MYO5C: variants seen among roughly 807,000 people sequenced by gnomAD.
MYO5C encodes myosin VC.
A neutral mutation model predicts 235.7 loss-of-function variants in MYO5C; 194 were observed. The ratio of observed to expected loss-of-function variants is 0.82; its 90% CI spans 0.73 to 0.93. MYO5C has a LOEUF of 0.93. Among genes scored for constraint, MYO5C ranks in the 40% least tolerant of loss-of-function variants. The probability of loss-of-function intolerance (pLI) is 0.00; values close to 1 mark genes in which losing one functional copy is unlikely to be tolerated. For missense variants in MYO5C, 2,038 were observed against 2,127.2 expected (o/e 0.96, Z 0.82); for synonymous variants, 707 against 754.8 (o/e 0.94, Z 1.04).
chr15:52,239,968 G>C, intron 20 of MYO5C, 89 bp from the exon 21 acceptor site: 1 of 1,376,092 alleles, frequency 7.3e-7, no homozygotes, highest in Non-Finnish European at 9.8e-7. Flanking sequence ...AACTACCACG[G>C]TGTAGAAAAT....
chr15:52,288,128 TC>T (rs2037314738), intron 1 of MYO5C, among the ~76,000 whole-genome samples: 2 of 152,108 alleles, frequency 1.3e-5, no homozygotes, highest in African/African-American at 4.8e-5. Context: ...GGCCAATCAA[TC>T]CTTTTGTTTA....
At chr15:52,257,048 G>A (rs1226586127) in intron 10 of MYO5C, among the ~76,000 whole-genome samples, 1 of 152,182 alleles carries the variant, frequency 6.6e-6, no homozygotes, top group Non-Finnish European at 1.5e-5. Flanking sequence ...CAGAAAATAA[G>A]CCCGAGAGGT....
intron 38 of MYO5C, among the ~76,000 whole-genome samples, chr15:52,204,562 G>GGTAGT (rs2035257231): frequency 6.6e-6 from 1 of 152,024 alleles, no homozygotes; most frequent in Non-Finnish European, 1.5e-5. Context: ...ATTCAGAGAA[G>GGTAGT]GTAGTCACTA....
chr15:52,195,326 T>A (rs3751604), intron 40 of MYO5C, 51 bp downstream of exon 40: 746,437 of 1,249,558 alleles, frequency 0.6, 238,684 homozygotes, highest in Non-Finnish European at 0.67. Flanking sequence ...ATCAACATCT[T>A]ATACCATAGT....
chr15:52,284,545 C>A (rs1204347350), intron 1 of MYO5C, among the ~76,000 whole-genome samples: 1 of 152,152 alleles, frequency 6.6e-6, no homozygotes, highest in Non-Finnish European at 1.5e-5. Flanking sequence ...GGGCTAAGCA[C>A]TTTTCAAACC....
chr15:52,262,980 G>C lies in MYO5C; in HGVS notation c.1047+1210C>G, dbSNP rs566315768. On this transcript the variant is annotated intron_variant, in intron 9 of 40. Coordinates refer to ENST00000261839, the MANE Select transcript of MYO5C (RefSeq NM_018728.4). ...CTGCCATGATGGGATTAGTGTTCTC[G>C]TAAGAGGCATCACAGTGTCTGCTCT... is the stretch of plus-strand genomic sequence containing the variant. 2.8e-4 allele frequency among the ~76,000 whole-genome samples: 43 copies of C among 152,266 alleles called. 1 individual carries two copies. The highest frequency in any genetic ancestry group is 3.4e-3 in the Middle Eastern group (1 of 294).
intron 1 of MYO5C, among the ~76,000 whole-genome samples, chr15:52,283,550 G>A (rs2037202455): frequency 2.0e-5 from 3 of 152,154 alleles, no homozygotes; most frequent in Non-Finnish European, 2.9e-5. Flanking sequence ...CGTTGCTGTG[G>A]GCTGAACTGT....
intron 35 of MYO5C, among the ~76,000 whole-genome samples, chr15:52,209,758 GC>G (rs1487335321): frequency 6.6e-6 from 1 of 152,090 alleles, no homozygotes; most frequent in Non-Finnish European, 1.5e-5. Flanking sequence ...ATTTATGGGA[GC>G]CCCTTCCAAA....
In MYO5C at chr15:52,240,255, C is replaced by T. The variant is rs960435940; in HGVS notation, c.2557-376G>A. Among the ~76,000 whole-genome samples, 14 of 151,580 alleles carry T rather than the reference C, an allele frequency of 9.2e-5. No homozygotes were observed. In the East Asian group the frequency reaches 2.7e-3, roughly 29 times the overall value. On this transcript the variant is annotated intron_variant, in intron 20 of 40. Transcript: ENST00000261839. ...AGAGACTAGTTATTTCAAAAAGATA[C>T]TTGTCATATTCAACATCAAAACAGT...
chr15:52,241,511 G>A lies in MYO5C; in HGVS notation c.2556+537C>T, dbSNP rs1343159289. ...CCTGACCTCATGATCCACTCACCTC[G>A]GCCTCCCACAGTGCTGGGATTACAG... On this transcript the variant is annotated intron_variant, in intron 20 of 40. Transcript: ENST00000261839. Among the ~76,000 whole-genome samples the A allele has an allele frequency of 2.0e-5, 3 of 152,036 alleles. No individual in the cohort carries two copies. The East Asian group carries it at 5.8e-4, about 29-fold the overall frequency.
intron 19 of MYO5C, chr15:52,242,793 G>C (rs1194599916): frequency 6.6e-6 from 1 of 152,420 alleles, no homozygotes; most frequent in Non-Finnish European, 1.5e-5. Flanking sequence ...CTTGGGGAAA[G>C]TGGGTATGTG....
At chr15:52,270,454 T>C (rs1218330119) in intron 7 of MYO5C, among the ~76,000 whole-genome samples, 1 of 152,114 alleles carries the variant, frequency 6.6e-6, no homozygotes, top group Non-Finnish European at 1.5e-5. Context: ...TATATAGCTT[T>C]ACTGAGCTTT....
chr15:52,250,482 G>C (rs900349476), intron 13 of MYO5C, among the ~76,000 whole-genome samples: 1 of 151,996 alleles, frequency 6.6e-6, no homozygotes, highest in South Asian at 2.1e-4. Flanking sequence ...GGTCTCAAGC[G>C]ATCCACCCGC....
At chr15:52,252,280 G>A (rs1303980008) in intron 12 of MYO5C, among the ~76,000 whole-genome samples, 1 of 151,984 alleles carries the variant, frequency 6.6e-6, no homozygotes, top group African/African-American at 2.4e-5. Flanking sequence ...CTTTATTCAC[G>A]GGTGAATGGG....
At chr15:52,261,851 A>G (rs1466929421) in intron 9 of MYO5C, among the ~76,000 whole-genome samples, 1 of 152,238 alleles carries the variant, frequency 6.6e-6, no homozygotes, top group Non-Finnish European at 1.5e-5. Context: ...CTCAGGCAGG[A>G]GAACTCCCAA....
chr15:52,279,012 T>C lies in MYO5C; in HGVS notation c.310A>G (p.Ile104Val). 1 of 1,612,072 alleles carries C rather than the reference T, an allele frequency of 6.2e-7. No individual in the cohort carries two copies. Among genetic ancestry groups the C allele is most frequent in the Non-Finnish European group, 8.5e-7 (1 of 1,178,502 alleles). The change falls in exon 4 of 41, where the codon ATT becomes GTT. Residue 104 changes from isoleucine to valine, a missense_variant. Transcript: ENST00000261839. Reference sequence around the variant, plus strand: ...TTGTAAGGATTCATGGCCACCAAAATGATTCCTGGGGAAAGATGTTAGATG... The same window carrying C: ...TTGTAAGGATTCATGGCCACCAAAACGATTCCTGGGGAAAGATGTTAGATG... ...SKLIYTYSGI[I>V]LVAMNPYKQL...
intron 1 of MYO5C, among the ~76,000 whole-genome samples, chr15:52,284,734 A>G (rs1269259930): frequency 6.6e-6 from 1 of 152,224 alleles, no homozygotes; most frequent in Non-Finnish European, 1.5e-5. Flanking sequence ...AGATAGAAGG[A>G]CAGAAAGATG....
At chr15:52,235,996 T>C (rs6493549) in intron 22 of MYO5C, among the ~76,000 whole-genome samples, 115,639 of 152,188 alleles carry the variant, frequency 0.76, 47,809 homozygotes, top group Non-Finnish European at 0.94. Flanking sequence ...CAGCAATGAC[T>C]GAAACAAGGA....
chr15:52,212,877 G>C (rs1184587305), intron 34 of MYO5C, among the ~76,000 whole-genome samples: 2 of 152,208 alleles, frequency 1.3e-5, no homozygotes, highest in Non-Finnish European at 2.9e-5. Context: ...CAGGGCAGTG[G>C]TTCTCAACTG....
Sources: allele counts gnomAD v4.1 joint callset (sites outside exome capture counted in the v4.1 genomes callset), GRCh38; gene constraint gnomAD v4.1.1; transcripts MANE v1.5; gene names NCBI Gene and HGNC (gene_info 2026-07-23, HGNC 2026-07-21).